The following JAM2 variants were observed in gnomAD, a reference collection of about 807,000 sequenced individuals.
JAM2 encodes the protein junctional adhesion molecule B.
In JAM2, 17 loss-of-function variants were observed where a neutral mutation model predicts 42.0. That is an observed-to-expected ratio of 0.40 (90% CI 0.28 to 0.61). The LOEUF (loss-of-function observed/expected upper bound fraction) is 0.61, where lower values mean the gene tolerates loss of function less well. Among genes scored for constraint, JAM2 ranks in the 20% least tolerant of loss-of-function variants. JAM2 has a pLI of 0.37. For synonymous variants in JAM2, 118 were observed against 128.6 expected (o/e 0.92, Z 0.56); for missense variants, 319 against 358.3 (o/e 0.89, Z 0.89).
chr21:25,672,251 G>T (rs2033379808), intron 1 of JAM2, among the ~76,000 whole-genome samples: 1 of 151,984 alleles, frequency 6.6e-6, no homozygotes, highest in Non-Finnish European at 1.5e-5. Context: ...CATCCAGGTG[G>T]TTTAGTAAGT....
intron 3 of JAM2, among the ~76,000 whole-genome samples, chr21:25,693,194 C>G (rs1417085108): frequency 6.6e-6 from 1 of 151,614 alleles, no homozygotes; most frequent in Non-Finnish European, 1.5e-5. Flanking sequence ...AAAAAGTTAG[C>G]CAGTAAACTA....
intron 1 of JAM2, among the ~76,000 whole-genome samples, chr21:25,651,061 C>CA (rs35308745): frequency 0.048 from 3,439 of 70,946 alleles, 102 homozygotes; most frequent in African/African-American, 0.084. Context: ...CTCCCCCCGC[C>CA]AAAAAAAAAA....
chr21:25,709,639 G>A, intron 8 of JAM2, 190 bp downstream of exon 8: 1 of 423,570 alleles, frequency 2.4e-6, no homozygotes, highest in Non-Finnish European at 4.4e-6. Flanking sequence ...AAATACCCGA[G>A]ACTGGGTAGT....
chr21:25,696,279 TC>T (rs1225855239), intron 4 of JAM2, among the ~76,000 whole-genome samples: 2 of 151,976 alleles, frequency 1.3e-5, no homozygotes, highest in Non-Finnish European at 2.9e-5. Context: ...TCCCAGGCGC[TC>T]GGCAGGCTGA....
At chr21:25,697,865 G>A (rs1439317090) in intron 4 of JAM2, among the ~76,000 whole-genome samples, 3 of 151,062 alleles carry the variant, frequency 2.0e-5, no homozygotes, top group Admixed American at 2.0e-4. Context: ...CCATGATCAC[G>A]CCACTGTACT....
intron 1 of JAM2, among the ~76,000 whole-genome samples, chr21:25,646,949 A>C (rs2032632160): frequency 6.6e-6 from 1 of 152,154 alleles, no homozygotes; most frequent in Non-Finnish European, 1.5e-5. Flanking sequence ...TAGTTGTCAA[A>C]ATTTTCTACT....
intron 1 of JAM2, chr21:25,643,753 A>G (rs1019895741): frequency 1.3e-5 from 2 of 152,232 alleles, no homozygotes; most frequent in Non-Finnish European, 2.9e-5. Flanking sequence ...GTCAAAAACA[A>G]AAACTTCAGC....
intron 4 of JAM2, among the ~76,000 whole-genome samples, chr21:25,696,531 G>A (rs2034039804): frequency 6.6e-6 from 1 of 152,166 alleles, no homozygotes; most frequent in Admixed American, 6.5e-5. Flanking sequence ...CAGCAGATCC[G>A]GCCAGTTTAT....
chr21:25,682,974 G>T (rs143877932), intron 1 of JAM2, among the ~76,000 whole-genome samples: 1 of 151,820 alleles, frequency 6.6e-6, no homozygotes, highest in African/African-American at 2.4e-5. Flanking sequence ...TCATCTCCTC[G>T]CCTGCTCATC....
chr21:25,712,216 CT>C (rs2034398120), intron 8 of JAM2, 123 bp from the exon 9 acceptor site: 1 of 717,174 alleles, frequency 1.4e-6, no homozygotes, highest in Non-Finnish European at 2.5e-6. Flanking sequence ...TTTTTTCTAC[CT>C]AAGATATATG....
At chr21:25,709,660 A>C (rs1305869753) in intron 8 of JAM2, 2 of 393,118 alleles carry the variant, frequency 5.1e-6, no homozygotes, top group Non-Finnish European at 9.4e-6. Context: ...TTATTGTAAA[A>C]AGAGGTTTAA....
chr21:25,648,449 T>TG (rs2032675640), intron 1 of JAM2, among the ~76,000 whole-genome samples: 3 of 138,618 alleles, frequency 2.2e-5, no homozygotes, highest in African/African-American at 6.1e-5. Flanking sequence ...GTGCCGTGTG[T>TG]TTGTGTGTGT....
At chr21:25,697,792 T>C (rs2034071078) in intron 4 of JAM2, among the ~76,000 whole-genome samples, 1 of 151,998 alleles carries the variant, frequency 6.6e-6, no homozygotes, top group Non-Finnish European at 1.5e-5. Flanking sequence ...ATATTCCAGC[T>C]ACTGGGGAGG....
intron 1 of JAM2, among the ~76,000 whole-genome samples, chr21:25,680,718 A>T (rs2033609200): frequency 6.6e-6 from 1 of 152,228 alleles, no homozygotes; most frequent in South Asian, 2.1e-4. Context: ...GGTCAATGAG[A>T]GTACAAAATA....
Position 25,717,392 on chromosome 21 carries a change from A to G in JAM2, c.*2720A>G, listed in dbSNP as rs1382511682. 1.4e-5 allele frequency: 4 copies of G among 285,770 alleles called. No homozygotes were observed. The highest frequency in any genetic ancestry group is 8.7e-5 in the African/African-American group (4 of 45,850). The allele number at this position is 285,770 out of a possible 1,614,324, so 17.7% of individuals were successfully genotyped here. A position where few individuals can be genotyped will look rare whatever the true frequency, so the allele number is the denominator to read the frequency against. ...TTAGGGCTTTAAAATCTTATTAGCA[A>G]GCTTTGTTTTGTTTTAATTATTGTT... is the stretch of plus-strand genomic sequence containing the variant. On this transcript the variant is annotated 3_prime_UTR_variant, in exon 10 of 10. Coordinates refer to ENST00000480456, the MANE Select transcript of JAM2 (RefSeq NM_021219.4).
intron 2 of JAM2, 122 bp downstream of exon 2, chr21:25,684,070 T>C: frequency 1.7e-6 from 1 of 584,724 alleles, no homozygotes; most frequent in Non-Finnish European, 2.9e-6. Context: ...TTCCTCTGCC[T>C]GAAATGCTGC....
intron 1 of JAM2, among the ~76,000 whole-genome samples, chr21:25,641,719 A>G (rs753593430): frequency 1.6e-4 from 24 of 152,216 alleles, no homozygotes; most frequent in Non-Finnish European, 2.6e-4. Context: ...ATCTTACATT[A>G]GTATGGTACA....
At position 25,714,682 on chromosome 21, in the gene JAM2, TTTAGAGATACACCAAA is replaced by T; in HGVS notation, c.*11_*26del. 6.7e-7 allele frequency: 1 copy of T among 1,497,730 alleles called. No individual in the cohort carries two copies. Among genetic ancestry groups the T allele is most frequent in the Non-Finnish European group, 8.9e-7 (1 of 1,117,644 alleles). 92.8% of individuals were successfully genotyped at this position (1,497,730 alleles called of 1,614,324 possible). ...ATCCTTTATAATTTAAAGACTCCAC[TTTAGAGATACACCAAA>T]GCCACCGTTGTTACACAAGTTATTA... On this transcript the variant is annotated 3_prime_UTR_variant, in exon 10 of 10. Coordinates refer to ENST00000480456, the MANE Select transcript of JAM2 (RefSeq NM_021219.4).
chr21:25,650,524 A>C (rs775938433), intron 1 of JAM2, among the ~76,000 whole-genome samples: 2 of 152,208 alleles, frequency 1.3e-5, no homozygotes, highest in Non-Finnish European at 2.9e-5. Flanking sequence ...AAAAACACTG[A>C]ATCAGTGATC....
Sources: allele counts gnomAD v4.1 joint callset (sites outside exome capture counted in the v4.1 genomes callset), GRCh38; gene constraint gnomAD v4.1.1; transcripts MANE v1.5; gene names NCBI Gene and HGNC (gene_info 2026-07-23, HGNC 2026-07-21).